Variants in RAD54B observed in about 807,000 individuals in gnomAD.
The protein encoded by RAD54B is RAD54 homolog B.
A neutral mutation model predicts 95.8 loss-of-function variants in RAD54B; 78 were observed. The observed-to-expected ratio is 0.81, with a 90% CI of 0.68 to 0.98. RAD54B has a LOEUF of 0.98. RAD54B is among the 50% of genes least tolerant of loss of function. RAD54B has a pLI of 0.00. For missense variants in RAD54B, 957 were observed against 1,056.6 expected (o/e 0.91, Z 1.31); for synonymous variants, 328 against 354.9 (o/e 0.92, Z 0.85).
At chr8:94,452,285 T>C (rs550282702) in intron 3 of RAD54B, among the ~76,000 whole-genome samples, 2 of 152,350 alleles carry the variant, frequency 1.3e-5, no homozygotes, top group African/African-American at 2.4e-5. Context: ...GACCATAGCA[T>C]TGTATCAGTG....
At chr8:94,375,953 GT>G (rs1413225417) in intron 14 of RAD54B, among the ~76,000 whole-genome samples, 1 of 152,004 alleles carries the variant, frequency 6.6e-6, no homozygotes, top group Admixed American at 6.6e-5. Flanking sequence ...AGGAGGAAGA[GT>G]TTTCACCATG....
chr8:94,382,499 A>C (rs557575640), intron 11 of RAD54B, among the ~76,000 whole-genome samples: 1 of 152,268 alleles, frequency 6.6e-6, no homozygotes, highest in African/African-American at 2.4e-5. Flanking sequence ...CAAAAAGATT[A>C]ATCTCCCATC....
intron 3 of RAD54B, among the ~76,000 whole-genome samples, chr8:94,452,101 T>C (rs1476565209): frequency 2.0e-5 from 3 of 152,148 alleles, no homozygotes; most frequent in African/African-American, 4.8e-5. Flanking sequence ...CCTCACATGG[T>C]GAAAGAGAAA....
At chr8:94,461,055 T>C (rs1239151967) in intron 2 of RAD54B, among the ~76,000 whole-genome samples, 3 of 151,950 alleles carry the variant, frequency 2.0e-5, no homozygotes, top group African/African-American at 7.3e-5. Flanking sequence ...TGAACATGTT[T>C]AAAGGGCCAT....
chr8:94,447,656 A>C (rs974452318), intron 3 of RAD54B, among the ~76,000 whole-genome samples: 1 of 152,236 alleles, frequency 6.6e-6, no homozygotes, highest in African/African-American at 2.4e-5. Flanking sequence ...TGGGATTAGA[A>C]AAACCCCTGG....
chr8:94,437,033 C>T (rs1222487097), intron 3 of RAD54B: 7 of 1,343,968 alleles, frequency 5.2e-6, no homozygotes, highest in Admixed American at 3.5e-5. Flanking sequence ...CTTAAGCTGA[C>T]GCAGGTTCAG....
intron 3 of RAD54B, chr8:94,436,815 C>T: frequency 6.5e-7 from 1 of 1,547,358 alleles, no homozygotes; most frequent in Non-Finnish European, 8.7e-7. Flanking sequence ...CAAGCTTTAG[C>T]AAATCAAGCT....
At chr8:94,421,784 C>T (rs1659784346) in intron 3 of RAD54B, among the ~76,000 whole-genome samples, 2 of 152,214 alleles carry the variant, frequency 1.3e-5, no homozygotes, top group Non-Finnish European at 1.5e-5. Context: ...ATTGCCTCCA[C>T]TTTTTTCAAC....
intron 2 of RAD54B, among the ~76,000 whole-genome samples, chr8:94,460,009 T>A (rs992875253): frequency 2.7e-5 from 4 of 148,086 alleles, no homozygotes; most frequent in Non-Finnish European, 5.9e-5. Context: ...ATACAAAAAA[T>A]AAGCTGGGCG....
chr8:94,399,627 G>GA lies in RAD54B; in HGVS notation c.1171-7dup. On this transcript the variant is annotated splice_region_variant and splice_polypyrimidine_tract_variant and intron_variant, in intron 7 of 14. Transcript: ENST00000336148. ...AATTCTTCAACTTTGTGGTCCTGAG[G>GA]AAAAAAGATAGTATTTTAAAAATCA... is the stretch of plus-strand genomic sequence containing the variant. The GA allele has an allele frequency of 6.3e-7, 1 of 1,590,318 alleles. No homozygotes were observed.
chr8:94,383,284 CA>C (rs34552024), intron 11 of RAD54B, among the ~76,000 whole-genome samples: 2,172 of 83,112 alleles, frequency 0.026, 34 homozygotes, highest in African/African-American at 0.095. Context: ...GACTCCATCT[CA>C]AAAAAAAAAA....
chr8:94,472,436 A>G (rs1813194554), intron 1 of RAD54B, among the ~76,000 whole-genome samples: 1 of 152,216 alleles, frequency 6.6e-6, no homozygotes, highest in African/African-American at 2.4e-5. Context: ...GAACAATAGA[A>G]GCTGAAATTT....
chr8:94,473,555 A>C (rs1290601195), intron 1 of RAD54B, among the ~76,000 whole-genome samples: 1 of 152,108 alleles, frequency 6.6e-6, no homozygotes, highest in African/African-American at 2.4e-5. Context: ...CATAGTAAGC[A>C]CTCAATGTTA....
At position 94,458,301 on chromosome 8, in the gene RAD54B, G is replaced by A. The variant is rs115900589; in HGVS notation, c.271C>T (p.Pro91Ser). 3.7e-6 allele frequency: 6 copies of A among 1,608,770 alleles called. No individual in the cohort carries two copies. In the East Asian group the frequency reaches 9.0e-5, roughly 24 times the overall value. The change falls in exon 3 of 15, where the codon CCT becomes TCT. Residue 91 changes from proline to serine, a missense_variant. Physicochemically the swap from Pro to Ser is moderately conservative, Grantham distance 74 (BLOSUM62 -1). Coordinates refer to ENST00000336148, the MANE Select transcript of RAD54B (RefSeq NM_012415.3). ...GGTGGATCTAATGTTGCCAGTGTAGGTGCTTCAAAACAATATTTTCCACTG... is the reference window on the plus strand; with the variant it reads ...GGTGGATCTAATGTTGCCAGTGTAGATGCTTCAAAACAATATTTTCCACTG... ...NCSGKYCFEA[P>S]TLATLDPPHT...
chr8:94,404,529 A>T (rs908489930), intron 5 of RAD54B, among the ~76,000 whole-genome samples: 7 of 152,238 alleles, frequency 4.6e-5, no homozygotes, highest in African/African-American at 1.7e-4. Flanking sequence ...GAATTCAATA[A>T]GCCACAACAT....
At chr8:94,394,140 C>T (rs528505951) in intron 8 of RAD54B, among the ~76,000 whole-genome samples, 328 of 152,310 alleles carry the variant, frequency 2.2e-3, no homozygotes, top group African/African-American at 7.2e-3. Flanking sequence ...AGTGCAGGCT[C>T]AGTGGAGTCT....
intron 3 of RAD54B, among the ~76,000 whole-genome samples, chr8:94,423,489 G>A (rs1265369091): frequency 3.9e-5 from 6 of 152,044 alleles, no homozygotes; most frequent in Non-Finnish European, 5.9e-5. Flanking sequence ...TTCATTGATC[G>A]GTGAAAGCTT....
At chr8:94,463,437 G>A (rs1030152363) in intron 2 of RAD54B, among the ~76,000 whole-genome samples, 1 of 152,056 alleles carries the variant, frequency 6.6e-6, no homozygotes, top group South Asian at 2.1e-4. Flanking sequence ...TGTTGGTAGG[G>A]ATATGGAAAA....
intron 14 of RAD54B, among the ~76,000 whole-genome samples, chr8:94,375,322 G>A (rs1166804232): frequency 2.0e-5 from 3 of 152,154 alleles, no homozygotes; most frequent in Non-Finnish European, 4.4e-5. Context: ...TATTTCCCAC[G>A]TGTTGTGGGA....
Sources: allele counts gnomAD v4.1 joint callset (sites outside exome capture counted in the v4.1 genomes callset), GRCh38; gene constraint gnomAD v4.1.1; transcripts MANE v1.5; gene names NCBI Gene and HGNC (gene_info 2026-07-23, HGNC 2026-07-21).